Variants in TDRD7 observed in about 807,000 individuals in gnomAD.
TDRD7 encodes the protein tudor domain containing 7.
TDRD7 carries 47 observed loss-of-function variants against 109.8 expected under a neutral mutation model. The ratio of observed to expected loss-of-function variants is 0.43; its 90% CI spans 0.34 to 0.55. The LOEUF is 0.55. TDRD7 is among the 20% of genes least tolerant of loss of function. TDRD7 has a pLI of 0.03. For synonymous variants in TDRD7, 424 were observed against 457.3 expected (o/e 0.93, Z 0.93); for missense variants, 1,164 against 1,319.2 (o/e 0.88, Z 1.82).
At chr9:97,448,140 G>A (rs1389905662) in intron 6 of TDRD7, among the ~76,000 whole-genome samples, 1 of 152,178 alleles carries the variant, frequency 6.6e-6, no homozygotes, top group East Asian at 1.9e-4. Flanking sequence ...AGTCTCTGTG[G>A]AATATGCTAC....
chr9:97,488,493 C>T (rs1215161086), intron 16 of TDRD7, among the ~76,000 whole-genome samples: 2 of 151,894 alleles, frequency 1.3e-5, no homozygotes, highest in Non-Finnish European at 2.9e-5. Flanking sequence ...GCAAAAATAA[C>T]ACTGTCATGT....
rs1829139673 is a variant in TDRD7 at position 97,482,919 on chromosome 9, C to G, written c.2483C>G (p.Pro828Arg). ...TTTACCCCTAAGAACTTCCCTGACCCTCATCGCAGTATTAATCGCCAGATT... is the reference window on the plus strand; with the variant it reads ...TTTACCCCTAAGAACTTCCCTGACCGTCATCGCAGTATTAATCGCCAGATT... ...YLFTPKNFPDPHRSINRQITN... is the reference protein window; with the variant it reads ...YLFTPKNFPDRHRSINRQITN... Residue 828 changes from proline to arginine, a missense_variant, in exon 15 of 17, where the codon CCT (proline) becomes CGT (arginine). This residue lies in a region of TDRD7 where 233 missense variants were observed against 218.0 expected (regional missense o/e 1.07). Coordinates refer to ENST00000355295, the MANE Select transcript of TDRD7 (RefSeq NM_014290.3). 3.1e-6 allele frequency: 5 copies of G among 1,614,050 alleles called. No individual in the cohort carries two copies. The East Asian group carries it at 8.9e-5, about 29-fold the overall frequency.
rs66794888 is a variant in TDRD7, at chr9:97,484,469, A to AACACACACAC, written c.2915+1133_2915+1142dup. ...ACACAAAGAACAGTCACCCCTCCCC[A>AACACACACAC]ACACACACACACACACACACACACC... On this transcript the variant is annotated intron_variant, in intron 15 of 16. Coordinates refer to ENST00000355295, the MANE Select transcript of TDRD7 (RefSeq NM_014290.3). Among the ~76,000 whole-genome samples, 54 of 147,166 alleles carry AACACACACAC rather than the reference A, an allele frequency of 3.7e-4. 2 individuals are homozygous for AACACACACAC. Among genetic ancestry groups the AACACACACAC allele is most frequent in the Non-Finnish European group, 7.4e-4 (49 of 65,822 alleles).
rs1261025179 is a variant in TDRD7 at position 97,483,186 on chromosome 9, A to C, written c.2750A>C (p.Tyr917Ser). The change falls in exon 15 of 17, where the codon TAT (tyrosine) becomes TCT (serine). Residue 917 changes from tyrosine (Y) to serine (S), a missense_variant. Around this residue, in one of 5 missense-constraint regions of TDRD7, gnomAD observed 162 missense variants for 222.5 expected, o/e 0.73. Coordinates refer to ENST00000355295, the MANE Select transcript of TDRD7 (RefSeq NM_014290.3). ...LSKPGEHMDV[Y>S]VPVACHPGYF... ...AAGCCAGGGGAACACATGGATGTGT[A>C]TGTGCCTGTGGCCTGTCACCCAGGC... is the stretch of plus-strand genomic sequence containing the variant. The C allele has an allele frequency of 2.5e-6, 4 of 1,613,964 alleles. No homozygotes were observed. Among genetic ancestry groups the C allele is most frequent in the Non-Finnish European group, 3.4e-6 (4 of 1,179,940 alleles).
intron 14 of TDRD7, among the ~76,000 whole-genome samples, chr9:97,482,321 G>C (rs1355578468): frequency 6.6e-6 from 1 of 152,136 alleles, no homozygotes; most frequent in Non-Finnish European, 1.5e-5. Context: ...GACCAGACAA[G>C]GAATTTGAAA....
rs775171458 is a variant in TDRD7, at chr9:97,472,465, A to G, written c.1914A>G (p.Ile638Met). ...ININATCLKAICDKSLEVHLQ... is the reference protein window; with the variant it reads ...ININATCLKAMCDKSLEVHLQ... ...TCAATGCCACCTGCTTGAAGGCTAT[A>G]TGTGACAAGTCACTAGAGGTTCACC... is the stretch of plus-strand genomic sequence containing the variant. The change falls in exon 10 of 17, where the codon ATA becomes ATG. Residue 638 changes from isoleucine to methionine, a missense_variant. By Grantham distance (10) the Ile-to-Met change is conservative. This residue lies in a region of TDRD7 where 261 missense variants were observed against 336.2 expected (regional missense o/e 0.78). Coordinates refer to ENST00000355295, the MANE Select transcript of TDRD7 (RefSeq NM_014290.3). 4 of 1,613,820 alleles carry G rather than the reference A, an allele frequency of 2.5e-6. No individual in the cohort carries two copies. The highest frequency in any genetic ancestry group is 2.5e-6 in the Non-Finnish European group (3 of 1,179,832).
chr9:97,460,544 T>C lies in TDRD7; in HGVS notation c.1222T>C (p.Leu408=), dbSNP rs769637406. The C allele has an allele frequency of 3.7e-6, 6 of 1,614,240 alleles. No individual in the cohort carries two copies. The highest frequency in any genetic ancestry group is 5.1e-6 in the Non-Finnish European group (6 of 1,180,044). Residue 408 remains leucine, a synonymous_variant, in exon 7 of 17, where the codon TTG becomes CTG. Transcript: ENST00000355295. ...GGCCATTCTCTATGCTAAACTTCCA[T>C]TGCCCACTGACAAAATCCAAAAGGA... The part of the protein sequence containing the change: ...QKAILYAKLP[L]PTDKIQKDAG...
At chr9:97,469,981 A>T (rs1288682957) in intron 8 of TDRD7, among the ~76,000 whole-genome samples, 5 of 152,154 alleles carry the variant, frequency 3.3e-5, no homozygotes, top group Non-Finnish European at 5.9e-5. Context: ...TTTTTAGTTT[A>T]GAATTCCATG....
rs1828698325 is a variant in TDRD7 at position 97,460,597 on chromosome 9, T to C, written c.1275T>C (p.Asp425=). Residue 425 remains aspartate (D), a synonymous_variant, in exon 7 of 17, where the codon GAT becomes GAC. Transcript: ENST00000355295. ...KDAGQAHGDN[D]IKAMVEQEYL... is the part of the protein sequence containing the mutation. ...CAGGGCAAGCACATGGTGATAATGA[T>C]ATCAAGGCTATGGTTGAACAAGAGT... is the stretch of plus-strand genomic sequence containing the variant. 6.2e-7 allele frequency: 1 copy of C among 1,614,186 alleles called. No individual in the cohort carries two copies. Among genetic ancestry groups the C allele is most frequent in the Non-Finnish European group, 8.5e-7 (1 of 1,180,038 alleles).
intron 4 of TDRD7, 120 bp downstream of exon 4, chr9:97,432,358 A>T (rs1481767855): frequency 2.6e-5 from 22 of 854,184 alleles, no homozygotes; most frequent in South Asian, 1.3e-4. Context: ...TAGTAGAGAC[A>T]TGCATCATTA....
chr9:97,477,870 AAAT>A (rs1325134832), intron 12 of TDRD7, among the ~76,000 whole-genome samples: 17 of 152,320 alleles, frequency 1.1e-4, no homozygotes, highest in African/African-American at 4.1e-4. Context: ...AGAATTGGAG[AAAT>A]AATAAATATT....
intron 4 of TDRD7, among the ~76,000 whole-genome samples, chr9:97,436,300 GA>G (rs1233980389): frequency 3.3e-5 from 5 of 151,958 alleles, no homozygotes; most frequent in African/African-American, 9.7e-5. Flanking sequence ...TTTGAAAAGT[GA>G]AAAAAATCTA....
In TDRD7 at chr9:97,412,310, C is replaced by G. The variant is rs1349678919; in HGVS notation, c.-7+72C>G. On this transcript the variant is annotated intron_variant, in intron 1 of 16. Coordinates refer to ENST00000355295, the MANE Select transcript of TDRD7 (RefSeq NM_014290.3). This position sits in a 1 kb window ranked among gnomAD's most constrained non-coding sequence, Gnocchi z 4.3. ...CGTCGGACGAGATTTCGGGCGGGCG[C>G]GGCGCACCTGGGTCACCGGTGGGAC... The G allele has an allele frequency of 6.6e-6, 1 of 152,396 alleles. No homozygotes were observed. Among genetic ancestry groups the G allele is most frequent in the Non-Finnish European group, 1.5e-5 (1 of 68,324 alleles). 9.4% of individuals were successfully genotyped at this position (152,396 alleles called of 1,614,324 possible).
chr9:97,470,226 G>T (rs1474908740), intron 8 of TDRD7, among the ~76,000 whole-genome samples: 2 of 152,190 alleles, frequency 1.3e-5, no homozygotes, highest in Admixed American at 6.5e-5. Flanking sequence ...AGCACCAAAG[G>T]GGAGGGGAGC....
chr9:97,466,765 A>T (rs947595604), intron 8 of TDRD7, among the ~76,000 whole-genome samples: 1 of 152,222 alleles, frequency 6.6e-6, no homozygotes, highest in African/African-American at 2.4e-5. Flanking sequence ...GATAGAAATC[A>T]GATCAGTGGT....
At position 97,488,568 on chromosome 9, in the gene TDRD7, T is replaced by A. The variant is rs7469060; in HGVS notation, c.3076+1236T>A. Among the ~76,000 whole-genome samples the A allele has an allele frequency of 1.9e-3, 289 of 150,386 alleles. 1 individual carries two copies. Among genetic ancestry groups the A allele is most frequent in the African/African-American group, 6.7e-3 (276 of 41,014 alleles). ...CTTCTTCAGATTTAATGGTTTTTTT[T>A]TTTTTTTTTTTGTTTTCACTTTCTA... On this transcript the variant is annotated intron_variant, in intron 16 of 16. Coordinates refer to ENST00000355295, the MANE Select transcript of TDRD7 (RefSeq NM_014290.3).
intron 11 of TDRD7, among the ~76,000 whole-genome samples, chr9:97,474,045 C>T (rs1447405493): frequency 6.6e-6 from 1 of 152,142 alleles, no homozygotes; most frequent in African/African-American, 2.4e-5. Context: ...AAACTTTCCT[C>T]CTTAGTTCTG....
intron 16 of TDRD7, among the ~76,000 whole-genome samples, chr9:97,487,906 C>T (rs1829239808): frequency 6.6e-6 from 1 of 152,106 alleles, no homozygotes; most frequent in African/African-American, 2.4e-5. Flanking sequence ...AATCTTAAAA[C>T]ATTCCTGGGT....
chr9:97,451,022 A>G (rs764615365), intron 6 of TDRD7, among the ~76,000 whole-genome samples: 2 of 152,086 alleles, frequency 1.3e-5, no homozygotes, highest in South Asian at 4.2e-4. Flanking sequence ...TTCAGCCCCA[A>G]CCAACCTCTG....
Sources: allele counts gnomAD v4.1 joint callset (sites outside exome capture counted in the v4.1 genomes callset), GRCh38; gene constraint gnomAD v4.1.1; regional missense constraint gnomAD v4.1.1; non-coding constraint Gnocchi (gnomAD v3.1); transcripts MANE v1.5; gene names NCBI Gene and HGNC (gene_info 2026-07-23, HGNC 2026-07-21).